Variants in NTNG2 observed in about 807,000 individuals in gnomAD.
NTNG2 encodes netrin G2.
In NTNG2, 15 loss-of-function variants were observed where a neutral mutation model predicts 47.6. The ratio of observed to expected loss-of-function variants is 0.32; its 90% CI spans 0.21 to 0.49. The LOEUF is 0.49. Ranked by LOEUF, NTNG2 falls within the 20% of genes least tolerant of loss-of-function variation. The probability of loss-of-function intolerance (pLI) is 0.99; values close to 1 mark genes in which losing one functional copy is unlikely to be tolerated. For synonymous variants in NTNG2, 307 were observed against 324.6 expected (o/e 0.95, Z 0.58); for missense variants, 578 against 764.6 (o/e 0.76, Z 2.88).
At chr9:132,241,577 C>T in intron 7 of NTNG2, 1 of 412,584 alleles carries the variant, frequency 2.4e-6, no homozygotes, top group Non-Finnish European at 4.4e-6. Flanking sequence ...AAAGGAGGCT[C>T]CAGGCGCGTG....
chr9:132,206,682 TAAATA>T (rs1839192425), intron 3 of NTNG2, among the ~76,000 whole-genome samples: 1 of 152,132 alleles, frequency 6.6e-6, no homozygotes, highest in Admixed American at 6.5e-5. Flanking sequence ...AATAAATAAA[TAAATA>T]AAATAAACCC....
chr9:132,213,520 A>G (rs1255564750), intron 3 of NTNG2, among the ~76,000 whole-genome samples: 4 of 152,112 alleles, frequency 2.6e-5, no homozygotes, highest in African/African-American at 7.2e-5. Flanking sequence ...ACTGCAGTCC[A>G]GGTCCCCAAC....
chr9:132,169,748 C>T (rs774391854), intron 2 of NTNG2, among the ~76,000 whole-genome samples: 6 of 152,202 alleles, frequency 3.9e-5, no homozygotes, highest in South Asian at 2.1e-4. Flanking sequence ...TGCCGTGGTA[C>T]GTGCGGACAC....
chr9:132,171,134 T>C (rs567248768), intron 2 of NTNG2, among the ~76,000 whole-genome samples: 1 of 152,118 alleles, frequency 6.6e-6, no homozygotes, highest in East Asian at 1.9e-4. Context: ...CAGGAGCCAG[T>C]GGAAGGTTCC....
chr9:132,235,507 C>T (rs1383212045), intron 5 of NTNG2, among the ~76,000 whole-genome samples: 2 of 152,190 alleles, frequency 1.3e-5, no homozygotes, highest in African/African-American at 4.8e-5. Context: ...ATTCCTTTGG[C>T]CAGTGTAGAC....
chr9:132,189,285 C>T (rs762455391), intron 2 of NTNG2, among the ~76,000 whole-genome samples: 2 of 151,596 alleles, frequency 1.3e-5, no homozygotes, highest in Admixed American at 6.6e-5. Flanking sequence ...GTAGAGATGG[C>T]ATCTCCCTGT....
Position 132,162,569 on chromosome 9 carries a change from AGTGTGTGTGTGTGTGT to A in NTNG2, c.-484+363_-484+378del, listed in dbSNP as rs769570116. Among the ~76,000 whole-genome samples the A allele has an allele frequency of 0.016, 1,764 of 112,450 alleles. 35 individuals are homozygous for A. The highest frequency in any genetic ancestry group is 0.055 in the Middle Eastern group (11 of 200). 73.8% of individuals were successfully genotyped at this position (112,450 alleles called of 152,430 possible). On this transcript the variant is annotated intron_variant, in intron 1 of 7. Coordinates refer to ENST00000393229, the MANE Select transcript of NTNG2 (RefSeq NM_032536.4). The surrounding 1 kb of genome is among the most constrained non-coding windows in gnomAD (Gnocchi z 4.6). The stretch of plus-strand genomic sequence containing the variant: ...GTGTGTGTGTGTGAGAGAGAGACAG[AGTGTGTGTGTGTGTGT>A]GTGTGTGTGTGTGTGTGTGTGTGTG...
At chr9:132,172,722 A>ATTTTTTTT (rs35406789) in intron 2 of NTNG2, among the ~76,000 whole-genome samples, 23 of 83,498 alleles carry the variant, frequency 2.8e-4, no homozygotes, top group African/African-American at 9.4e-4. Flanking sequence ...TCAGGGCTGT[A>ATTTTTTTT]TTTTTTTTTT....
At position 132,227,703 on chromosome 9, in the gene NTNG2, G is replaced by A. The variant is rs370190084; in HGVS notation, c.1030+682G>A. On this transcript the variant is annotated intron_variant, in intron 4 of 7. Transcript: ENST00000393229. ...CTCTGCCCACCCCTCTCCTGTCCTC[G>A]CCCAGCCATGCCAGGGAGCCATCCT... Among the ~76,000 whole-genome samples, 739 of 152,164 alleles carry A rather than the reference G, an allele frequency of 4.9e-3. 9 individuals carry two copies. Among genetic ancestry groups the A allele is most frequent in the African/African-American group, 0.017 (703 of 41,522 alleles).
chr9:132,227,174 A>G (rs1025126839), intron 4 of NTNG2, 153 bp downstream of exon 4: 1 of 872,120 alleles, frequency 1.1e-6, no homozygotes, highest in African/African-American at 1.7e-5. Context: ...GAAACATACG[A>G]GCATGCATGC....
chr9:132,189,068 C>CTTTTTTTTTTTTTTTTTTTT lies in NTNG2; in HGVS notation c.214-8890_214-8871dup, dbSNP rs749756559. ...TATGTGAAAAAGGCTTTAAGCCTTTCTTTTTTTTTTTTTTTTTTTTTTTTT... is the reference window on the plus strand; with the variant it reads ...TATGTGAAAAAGGCTTTAAGCCTTTCTTTTTTTTTTTTTTTTTTTTTTTTTTTTTTTTTTTTTTTTTTTTT... On this transcript the variant is annotated intron_variant, in intron 2 of 7. Transcript: ENST00000393229. Among the ~76,000 whole-genome samples the CTTTTTTTTTTTTTTTTTTTT allele has an allele frequency of 6.3e-3, 587 of 93,268 alleles. 120 individuals are homozygous for CTTTTTTTTTTTTTTTTTTTT. Among genetic ancestry groups the CTTTTTTTTTTTTTTTTTTTT allele is most frequent in the South Asian group, 0.012 (34 of 2,870 alleles). The allele number at this position is 93,268 out of a possible 152,430, so 61.2% of individuals were successfully genotyped here.
At position 132,215,473 on chromosome 9, in the gene NTNG2, G is replaced by A. The variant is rs544146507; in HGVS notation, c.858-11376G>A. On this transcript the variant is annotated intron_variant, in intron 3 of 7. Transcript: ENST00000393229. This position sits in a 1 kb window ranked among gnomAD's most constrained non-coding sequence, Gnocchi z 4.2. ...CGGGCGCCTGTAATCCCAGCTACTC[G>A]GGAGGCTGAGGCAGGATAATTGCTT... 5.1e-5 allele frequency among the ~76,000 whole-genome samples: 6 copies of A among 117,126 alleles called. No homozygotes were observed. The highest frequency in any genetic ancestry group is 3.0e-4 in the South Asian group (1 of 3,360). The allele number at this position is 117,126 out of a possible 152,430, so 76.8% of individuals were successfully genotyped here. A position where few individuals can be genotyped will look rare whatever the true frequency, so the allele number is the denominator to read the frequency against.
chr9:132,169,012 T>A (rs1249987836), intron 2 of NTNG2, among the ~76,000 whole-genome samples: 1 of 152,130 alleles, frequency 6.6e-6, no homozygotes, highest in Admixed American at 6.5e-5. Context: ...AGTGGGCGGC[T>A]GTTCTGGGGA....
chr9:132,189,357 A>G (rs550964851), intron 2 of NTNG2, among the ~76,000 whole-genome samples: 1 of 151,850 alleles, frequency 6.6e-6, no homozygotes, highest in African/African-American at 2.4e-5. Context: ...GTGAACATCT[A>G]TTTTGTATGC....
intron 6 of NTNG2, among the ~76,000 whole-genome samples, 193 bp downstream of exon 6, chr9:132,239,464 C>A (rs1198547090): frequency 6.6e-6 from 1 of 152,238 alleles, no homozygotes; most frequent in Non-Finnish European, 1.5e-5. Flanking sequence ...TAGTAACCTA[C>A]CCTTGCGGTT....
intron 6 of NTNG2, among the ~76,000 whole-genome samples, chr9:132,239,724 A>C (rs1453126172): frequency 2.0e-5 from 3 of 152,242 alleles, no homozygotes; most frequent in African/African-American, 7.2e-5. Context: ...GTTGGGGGCC[A>C]AAAGATCGCC....
In NTNG2 at chr9:132,198,030, G is replaced by A. The variant is rs1589441126; in HGVS notation, c.278G>A (p.Arg93Lys). Residue 93 changes from arginine to lysine, a missense_variant, in exon 3 of 8, where the codon AGG becomes AAG. Transcript: ENST00000393229. ...ASNPDLAHPP[R>K]LMFDKEEEGL... ...AACCCGGACCTGGCCCACCCGCCCA[G>A]GCTCATGTTCGACAAGGAGGAGGAG... is the stretch of plus-strand genomic sequence containing the variant. 2 of 1,613,586 alleles carry A rather than the reference G, an allele frequency of 1.2e-6. No individual in the cohort carries two copies. Among genetic ancestry groups the A allele is most frequent in the African/African-American group, 2.7e-5 (2 of 74,920 alleles).
chr9:132,214,881 T>C (rs1223859966), intron 3 of NTNG2, among the ~76,000 whole-genome samples: 1 of 152,088 alleles, frequency 6.6e-6, no homozygotes, highest in African/African-American at 2.4e-5. Context: ...AAAATTTTTT[T>C]TTTTTTTAGA....
At chr9:132,179,137 A>G (rs1273959479) in intron 2 of NTNG2, among the ~76,000 whole-genome samples, 1 of 152,156 alleles carries the variant, frequency 6.6e-6, no homozygotes, top group African/African-American at 2.4e-5. Flanking sequence ...GACTGGAGCC[A>G]TGAGGACAGG....
Sources: allele counts gnomAD v4.1 joint callset (sites outside exome capture counted in the v4.1 genomes callset), GRCh38; gene constraint gnomAD v4.1.1; non-coding constraint Gnocchi (gnomAD v3.1); transcripts MANE v1.5; gene names NCBI Gene and HGNC (gene_info 2026-07-23, HGNC 2026-07-21).